Variants in RAD51B observed in about 807,000 individuals in gnomAD.
The protein encoded by RAD51B is RAD51 paralog B.
RAD51B carries 38 observed loss-of-function variants against 42.2 expected under a neutral mutation model. That is an observed-to-expected ratio of 0.90 (90% CI 0.70 to 1.18). The LOEUF is 1.18. RAD51B is among the 50% of genes most tolerant of loss of function. The pLI, the probability that RAD51B is intolerant of heterozygous loss-of-function variation, is 0.00. For synonymous variants in RAD51B, 154 were observed against 145.2 expected (o/e 1.06, Z -0.43); for missense variants, 373 against 400.7 (o/e 0.93, Z 0.59).
intron 11 of RAD51B, among the ~76,000 whole-genome samples, chr14:68,656,312 T>C (rs1434293570): frequency 3.9e-5 from 6 of 152,178 alleles, no homozygotes; most frequent in Non-Finnish European, 7.4e-5. Context: ...GAGATGACTA[T>C]AGGTATCCTG....
chr14:68,005,772 C>G (rs746167469), intron 7 of RAD51B, among the ~76,000 whole-genome samples: 1 of 152,044 alleles, frequency 6.6e-6, no homozygotes, highest in Non-Finnish European at 1.5e-5. Context: ...TAAAGAAATA[C>G]CTAATACTGG....
chr14:67,958,644 G>A (rs1009941592), intron 7 of RAD51B, among the ~76,000 whole-genome samples: 1 of 152,162 alleles, frequency 6.6e-6, no homozygotes, highest in African/African-American at 2.4e-5. Context: ...ACAACCTTTT[G>A]AATAGTGTGG....
At chr14:68,665,404 AAACTGT>A (rs1203517190) in intron 11 of RAD51B, among the ~76,000 whole-genome samples, 1 of 152,272 alleles carries the variant, frequency 6.6e-6, no homozygotes, top group Non-Finnish European at 1.5e-5. Flanking sequence ...AGGGTTTCCA[AAACTGT>A]ATAAAAAGTT....
rs139351514 is a variant in RAD51B, at chr14:68,568,711, C to T, written c.1037-25774C>T. Among the ~76,000 whole-genome samples, 17 of 152,316 alleles carry T rather than the reference C, an allele frequency of 1.1e-4. No individual in the cohort carries two copies. The East Asian group carries it at 3.3e-3, about 29-fold the overall frequency. ...CTCACTGGGCAACCTCAGGAACGGG[C>T]AGCCATTTTCAACAAGCTTTCCTTC... On this transcript the variant is annotated intron_variant, in intron 10 of 10. Transcript: ENST00000487270.
intron 7 of RAD51B, among the ~76,000 whole-genome samples, chr14:68,226,757 C>T (rs1360209678): frequency 6.6e-6 from 1 of 152,144 alleles, no homozygotes; most frequent in Non-Finnish European, 1.5e-5. Flanking sequence ...AACTGAGGGC[C>T]AGAGAGACTA....
At chr14:68,570,873 C>CCACACACACACACA (rs9323516) in intron 10 of RAD51B, among the ~76,000 whole-genome samples, 5 of 150,242 alleles carry the variant, frequency 3.3e-5, no homozygotes, top group Admixed American at 6.6e-5. Context: ...GGCTGGAGCG[C>CCACACACACACACA]CACACACACA....
At chr14:67,987,062 A>C (rs2075207010) in intron 7 of RAD51B, among the ~76,000 whole-genome samples, 1 of 152,080 alleles carries the variant, frequency 6.6e-6, no homozygotes, top group African/African-American at 2.4e-5. Context: ...TTTTGTGGGT[A>C]CATAGTCAGT....
intron 7 of RAD51B, among the ~76,000 whole-genome samples, chr14:68,057,626 CA>C (rs1233753353): frequency 6.6e-6 from 1 of 151,986 alleles, no homozygotes; most frequent in Non-Finnish European, 1.5e-5. Context: ...TCATTTAATA[CA>C]AAAATGCTTT....
At chr14:68,245,403 A>G (rs2080475013) in intron 7 of RAD51B, among the ~76,000 whole-genome samples, 1 of 152,232 alleles carries the variant, frequency 6.6e-6, no homozygotes, top group Non-Finnish European at 1.5e-5. Flanking sequence ...CTGGAAACCC[A>G]TCACTTAGAT....
chr14:67,977,068 T>C (rs1469809703), intron 7 of RAD51B, among the ~76,000 whole-genome samples: 1 of 152,166 alleles, frequency 6.6e-6, no homozygotes, highest in African/African-American at 2.4e-5. Flanking sequence ...AGGAATCAAC[T>C]CTAGTTTTTA....
At chr14:68,551,281 T>C (rs1296360100) in intron 10 of RAD51B, among the ~76,000 whole-genome samples, 10 of 152,174 alleles carry the variant, frequency 6.6e-5, no homozygotes, top group Admixed American at 6.5e-4. Context: ...ATATCCATGC[T>C]CTGGCCTGGC....
intron 8 of RAD51B, among the ~76,000 whole-genome samples, chr14:68,363,729 G>C (rs1019248374): frequency 1.3e-5 from 2 of 152,244 alleles, no homozygotes; most frequent in African/African-American, 4.8e-5. Flanking sequence ...TCTTTCTCCC[G>C]GCGGGGAGTG....
At chr14:67,917,682 G>A (rs897398236) in intron 7 of RAD51B, among the ~76,000 whole-genome samples, 4 of 152,110 alleles carry the variant, frequency 2.6e-5, no homozygotes, top group Non-Finnish European at 5.9e-5. Flanking sequence ...ATTTCCTGAC[G>A]ATTTGAGTAT....
chr14:68,585,009 C>T (rs1198603850), intron 10 of RAD51B, among the ~76,000 whole-genome samples: 1 of 152,154 alleles, frequency 6.6e-6, no homozygotes, highest in African/African-American at 2.4e-5. Flanking sequence ...TTGCCACAAG[C>T]TCTTGATGCC....
exon 11 of RAD51B, chr14:68,595,497 G>T: frequency 9.4e-7 from 1 of 1,066,688 alleles, no homozygotes; most frequent in Non-Finnish European, 1.1e-6. Context: ...GATTAAATTT[G>T]TCCTTGTGTT....
chr14:68,167,558 G>A (rs1158688740), intron 7 of RAD51B, among the ~76,000 whole-genome samples: 5 of 152,098 alleles, frequency 3.3e-5, no homozygotes, highest in African/African-American at 1.2e-4. Flanking sequence ...TAGATAGTGG[G>A]TGGAGTAAAA....
At chr14:67,893,348 T>G (rs963270081) in intron 7 of RAD51B, among the ~76,000 whole-genome samples, 5 of 151,844 alleles carry the variant, frequency 3.3e-5, no homozygotes, top group Non-Finnish European at 7.4e-5. Flanking sequence ...TCAGGTGTGC[T>G]GGATCACACC....
chr14:68,516,648 A>C (rs890644241), intron 10 of RAD51B, among the ~76,000 whole-genome samples: 2 of 152,248 alleles, frequency 1.3e-5, no homozygotes, highest in African/African-American at 2.4e-5. Context: ...ATCTGAAACT[A>C]TATCAATGAA....
intron 7 of RAD51B, among the ~76,000 whole-genome samples, chr14:68,227,473 G>A (rs543595185): frequency 6.6e-6 from 1 of 152,062 alleles, no homozygotes; most frequent in African/African-American, 2.4e-5. Context: ...CACCTCAGAG[G>A]GTTGTTATAA....
Sources: gnomAD v4.1 joint callset for allele counts (sites outside exome capture counted in the v4.1 genomes callset) on GRCh38, gnomAD v4.1.1 for gene constraint, MANE v1.5 for transcripts, NCBI Gene and HGNC (gene_info 2026-07-23, HGNC 2026-07-21) for gene names.